The following SLC17A6 variants were observed in gnomAD, a reference collection of about 807,000 sequenced individuals.
SLC17A6 encodes vesicular glutamate transporter 2.
In SLC17A6, 35 loss-of-function variants were observed where a neutral mutation model predicts 67.1. The ratio of observed to expected loss-of-function variants is 0.52; its 90% CI spans 0.40 to 0.69. The LOEUF (loss-of-function observed/expected upper bound fraction) is 0.69, where lower values mean the gene tolerates loss of function less well. Ranked by LOEUF, SLC17A6 falls within the 30% of genes least tolerant of loss-of-function variation. The pLI, the probability that SLC17A6 is intolerant of heterozygous loss-of-function variation, is 0.00. For missense variants in SLC17A6, 588 were observed against 723.9 expected, an observed-to-expected ratio of 0.81 and a Z score of 2.15; for synonymous variants, 285 against 252.3, an observed-to-expected ratio of 1.13 and a Z score of -1.23.
chr11:22,340,378 T>A (rs1855801828), intron 1 of SLC17A6, among the ~76,000 whole-genome samples: 1 of 152,270 alleles, frequency 6.6e-6, no homozygotes, highest in Non-Finnish European at 1.5e-5. Context: ...ATGAATATGT[T>A]GTAGACTAGA....
intron 3 of SLC17A6, among the ~76,000 whole-genome samples, chr11:22,353,337 A>G (rs1345365405): frequency 6.6e-6 from 1 of 151,978 alleles, no homozygotes; most frequent in Non-Finnish European, 1.5e-5. Flanking sequence ...TTGGATTTTC[A>G]CAGTGTAACC....
At chr11:22,368,819 A>G (rs192031255) in intron 7 of SLC17A6, among the ~76,000 whole-genome samples, 146 of 152,150 alleles carry the variant, frequency 9.6e-4, no homozygotes, top group East Asian at 1.2e-3. Context: ...CCCATTTATG[A>G]CACTGCCACT....
At position 22,379,452 on chromosome 11, in the gene SLC17A6, G is replaced by C. The variant is rs530818153; in HGVS notation, c.*1712G>C. The C allele has an allele frequency of 9.2e-5, 14 of 152,358 alleles. No homozygotes were observed. Among genetic ancestry groups the C allele is most frequent in the African/African-American group, 3.4e-4 (14 of 41,446 alleles). 9.4% of individuals were successfully genotyped at this position (152,358 alleles called of 1,614,324 possible). ...ATGAAAATATGTGGACTGTCATTTT[G>C]TTGCAGCAAAAAAGTGTTAATAAAA... On this transcript the variant is annotated 3_prime_UTR_variant, in exon 12 of 12. Coordinates refer to ENST00000263160, the MANE Select transcript of SLC17A6 (RefSeq NM_020346.3).
rs1855818310 is a variant in SLC17A6 at position 22,341,721 on chromosome 11, G to T, written c.280G>T (p.Ala94Ser). The T allele has an allele frequency of 6.2e-7, 1 of 1,614,090 alleles. No homozygotes were observed. The highest frequency in any genetic ancestry group is 8.5e-7 in the Non-Finnish European group (1 of 1,180,044). Reference sequence around the variant, plus strand: ...CGGTATCCGCTGCAACCTGGGCGTGGCCATTGTGGACATGGTCAACAACAG... The same window carrying T: ...CGGTATCCGCTGCAACCTGGGCGTGTCCATTGTGGACATGGTCAACAACAG... ...SFGIRCNLGV[A>S]IVDMVNNSTI... Residue 94 changes from alanine to serine, a missense_variant, in exon 2 of 12, where the codon GCC becomes TCC. Around this residue, in one of 4 missense-constraint regions of SLC17A6, gnomAD observed 9 missense variants for 25.3 expected, o/e 0.36. Transcript: ENST00000263160.
chr11:22,345,238 T>A (rs1292963215), intron 3 of SLC17A6, among the ~76,000 whole-genome samples: 2 of 152,094 alleles, frequency 1.3e-5, no homozygotes, highest in African/African-American at 4.8e-5. Context: ...AACTCATTAT[T>A]ATCTGTGTCA....
chr11:22,338,553 G>T lies in SLC17A6; in HGVS notation c.20G>T (p.Arg7Met). 6.2e-7 allele frequency: 1 copy of T among 1,613,334 alleles called. No individual in the cohort carries two copies. The highest frequency in any genetic ancestry group is 8.5e-7 in the Non-Finnish European group (1 of 1,179,536). MESVKQ[R>M]ILAPGKEGLK... ...GCAAGAATGGAATCCGTAAAACAAAGGATTTTGGCCCCAGGAAAAGAGGGG... is the reference window on the plus strand; with the variant it reads ...GCAAGAATGGAATCCGTAAAACAAATGATTTTGGCCCCAGGAAAAGAGGGG... The change falls in exon 1 of 12, where the codon AGG becomes ATG. Residue 7 changes from arginine to methionine, a missense_variant. Arg to Met is a moderately conservative substitution (Grantham distance 91). Transcript: ENST00000263160.
At chr11:22,345,651 T>C (rs1317561442) in intron 3 of SLC17A6, among the ~76,000 whole-genome samples, 3 of 152,170 alleles carry the variant, frequency 2.0e-5, no homozygotes, top group Non-Finnish European at 2.9e-5. Context: ...CATGAACCTA[T>C]AGAAAATTAT....
intron 8 of SLC17A6, among the ~76,000 whole-genome samples, chr11:22,372,316 G>T (rs1408208242): frequency 6.7e-6 from 1 of 150,292 alleles, no homozygotes; most frequent in Non-Finnish European, 1.5e-5. Context: ...TATTGGCATA[G>T]GCTAATACAA....
Position 22,347,844 on chromosome 11 carries a change from G to T in SLC17A6, c.458+4479G>T, listed in dbSNP as rs193066013. 1.2e-3 allele frequency among the ~76,000 whole-genome samples: 182 copies of T among 152,270 alleles called. 1 individual carries two copies. Among genetic ancestry groups the T allele is most frequent in the Admixed American group, 0.012 (182 of 15,292 alleles). ...TTAGAGAAATCCATTTTAGCTTGAG[G>T]TTAGACTTCTCTATTCAAAGTTATA... On this transcript the variant is annotated intron_variant, in intron 3 of 11. Transcript: ENST00000263160.
At chr11:22,339,614 A>G (rs939994849) in intron 1 of SLC17A6, among the ~76,000 whole-genome samples, 1 of 152,176 alleles carries the variant, frequency 6.6e-6, no homozygotes, top group South Asian at 2.1e-4. Context: ...GGGCAGACAT[A>G]AAAGGAAAAA....
At position 22,365,478 on chromosome 11, in the gene SLC17A6, T is replaced by TG; in HGVS notation, c.749-69_749-68insG. ...ATAGAATATGTTTGTCTTGAGATGA[T>TG]TGCAGTTTTATTGCAGCACATCACT... On this transcript the variant is annotated intron_variant, in intron 6 of 11. Transcript: ENST00000263160. The TG allele has an allele frequency of 2.0e-6, 3 of 1,474,526 alleles. No homozygotes were observed. In the South Asian group the frequency reaches 3.4e-5, roughly 17 times the overall value. 91.3% of individuals were successfully genotyped at this position (1,474,526 alleles called of 1,614,324 possible). A position where few individuals can be genotyped will look rare whatever the true frequency, so the allele number is the denominator to read the frequency against.
chr11:22,338,678 G>T (rs549336000), intron 1 of SLC17A6, 59 bp downstream of exon 1: 2 of 1,251,010 alleles, frequency 1.6e-6, no homozygotes, highest in Non-Finnish European at 1.2e-6. Context: ...CTGCAGGGCC[G>T]TTTCCGTAAA....
chr11:22,376,476 T>A, intron 10 of SLC17A6, 69 bp from the exon 11 acceptor site: 3 of 1,566,004 alleles, frequency 1.9e-6, no homozygotes, highest in Non-Finnish European at 2.6e-6. Flanking sequence ...TTGTGATGTG[T>A]GGTTCTATAG....
intron 8 of SLC17A6, among the ~76,000 whole-genome samples, chr11:22,372,078 T>C (rs925026277): frequency 6.6e-6 from 1 of 152,004 alleles, no homozygotes; most frequent in Admixed American, 6.6e-5. Context: ...CAAATTTAGG[T>C]GAAGTAAGTA....
At chr11:22,358,448 C>T (rs1856014620) in intron 3 of SLC17A6, among the ~76,000 whole-genome samples, 1 of 152,164 alleles carries the variant, frequency 6.6e-6, no homozygotes, top group South Asian at 2.1e-4. Flanking sequence ...CTGCCTCAGC[C>T]TCCTGAGTAG....
chr11:22,351,372 A>G (rs1855936346), intron 3 of SLC17A6, among the ~76,000 whole-genome samples: 1 of 151,920 alleles, frequency 6.6e-6, no homozygotes, highest in Admixed American at 6.6e-5. Flanking sequence ...TAATTTTTCC[A>G]CCCTCACCAC....
intron 3 of SLC17A6, among the ~76,000 whole-genome samples, chr11:22,348,596 G>T (rs1855903833): frequency 6.6e-6 from 1 of 152,196 alleles, no homozygotes; most frequent in African/African-American, 2.4e-5. Context: ...TAAAATTGCA[G>T]AGATTTGAAC....
intron 5 of SLC17A6, 193 bp downstream of exon 5, chr11:22,361,177 G>T: frequency 2.1e-6 from 1 of 485,890 alleles, no homozygotes; most frequent in Non-Finnish European, 3.6e-6. Flanking sequence ...ATTTATTCTT[G>T]TGTTTGTATT....
chr11:22,340,002 T>A (rs1204436566), intron 1 of SLC17A6, among the ~76,000 whole-genome samples: 1 of 152,186 alleles, frequency 6.6e-6, no homozygotes, highest in Non-Finnish European at 1.5e-5. Flanking sequence ...AGAATAAACA[T>A]TAACCTAGCC....
Sources: gnomAD v4.1 joint callset for allele counts (sites outside exome capture counted in the v4.1 genomes callset) on GRCh38, gnomAD v4.1.1 for gene constraint, gnomAD v4.1.1 regional missense constraint, MANE v1.5 for transcripts, NCBI Gene and HGNC (gene_info 2026-07-23, HGNC 2026-07-21) for gene names.